Variants in ULK4 observed in about 807,000 individuals in gnomAD.
ULK4 encodes the protein inactive serine/threonine-protein kinase ULK4.
In ULK4, 133 loss-of-function variants were observed where a neutral mutation model predicts 160.6. The ratio of observed to expected loss-of-function variants is 0.83; its 90% CI spans 0.72 to 0.96. ULK4 has a LOEUF of 0.96. Among genes scored for constraint, ULK4 ranks in the 40% least tolerant of loss-of-function variants. The pLI is 0.00. For missense variants in ULK4, 1,580 were observed against 1,499.5 expected, an observed-to-expected ratio of 1.05 and a Z score of -0.89; for synonymous variants, 534 against 539.8, an observed-to-expected ratio of 0.99 and a Z score of 0.15.
intron 32 of ULK4, among the ~76,000 whole-genome samples, chr3:41,473,561 C>G (rs2084049260): frequency 6.8e-6 from 1 of 148,146 alleles, no homozygotes; most frequent in Admixed American, 6.8e-5. Context: ...ACACAGGAGG[C>G]TGAGGTGGGA....
intron 30 of ULK4, among the ~76,000 whole-genome samples, chr3:41,651,286 C>T (rs571136205): frequency 2.2e-3 from 332 of 152,302 alleles, no homozygotes; most frequent in African/African-American, 7.6e-3. Context: ...GCTCCCTCTC[C>T]TCAATCCTAC....
intron 35 of ULK4, among the ~76,000 whole-genome samples, chr3:41,257,622 G>A (rs561593600): frequency 1.2e-4 from 16 of 131,818 alleles, no homozygotes; most frequent in Non-Finnish European, 2.0e-4. Context: ...GACAGGGTGA[G>A]ACTATGTCTC....
intron 35 of ULK4, among the ~76,000 whole-genome samples, chr3:41,305,081 G>C (rs905562868): frequency 6.6e-6 from 1 of 152,190 alleles, no homozygotes; most frequent in African/African-American, 2.4e-5. Flanking sequence ...TTAAATGGTG[G>C]AGAGAAAAGA....
chr3:41,807,401 T>C (rs188557699), intron 19 of ULK4, among the ~76,000 whole-genome samples: 427 of 152,288 alleles, frequency 2.8e-3, no homozygotes, highest in Non-Finnish European at 3.7e-3. Flanking sequence ...GCATTTACTG[T>C]TTTTTCAATC....
chr3:41,293,179 G>C (rs768699428), intron 35 of ULK4, among the ~76,000 whole-genome samples: 1 of 151,982 alleles, frequency 6.6e-6, no homozygotes, highest in Non-Finnish European at 1.5e-5. Flanking sequence ...ATAAGGCAAG[G>C]AAGGTTATCA....
At chr3:41,272,166 C>G (rs1035557226) in intron 35 of ULK4, among the ~76,000 whole-genome samples, 1 of 152,130 alleles carries the variant, frequency 6.6e-6, no homozygotes, top group Non-Finnish European at 1.5e-5. Flanking sequence ...ATCCACCTGC[C>G]TCAGCCTCCC....
Position 41,789,834 on chromosome 3 carries a change from T to C in ULK4, c.2020A>G (p.Arg674Gly), listed in dbSNP as rs778595327. Residue 674 changes from arginine (R) to glycine (G), a missense_variant, in exon 21 of 37, where the codon AGA (arginine) becomes GGA (glycine). Coordinates refer to ENST00000301831, the MANE Select transcript of ULK4 (RefSeq NM_017886.4). ...LRITAVSALC[R>G]ITRHSPTAFQ... ...GCAGTAGGAGAATGGCGAGTGATTC[T>C]ACACAAGGCCTACAAAGACAAGAGA... 6.8e-6 allele frequency: 11 copies of C among 1,607,530 alleles called. No individual in the cohort carries two copies. In the South Asian group the frequency reaches 1.2e-4, roughly 18 times the overall value.
intron 30 of ULK4, among the ~76,000 whole-genome samples, chr3:41,630,974 G>T (rs1426074143): frequency 6.6e-6 from 1 of 152,128 alleles, no homozygotes; most frequent in Non-Finnish European, 1.5e-5. Flanking sequence ...GTGGACCAAG[G>T]ACAGTCATTT....
rs79763674 is a variant in ULK4, at chr3:41,500,293, T to C, written c.3227-37040A>G. 9.9e-5 allele frequency among the ~76,000 whole-genome samples: 15 copies of C among 151,740 alleles called. No individual in the cohort carries two copies. The South Asian group carries it at 1.3e-3, about 13-fold the overall frequency. On this transcript the variant is annotated intron_variant, in intron 32 of 36. Transcript: ENST00000301831. ...TTTTCATCTTATCTTTTTTTTTTTT[T>C]CCTACTGAAATCATTTAAGGCACTG... is the stretch of plus-strand genomic sequence containing the variant.
intron 1 of ULK4, among the ~76,000 whole-genome samples, chr3:41,958,714 C>CA (rs201705820): frequency 0.069 from 8,420 of 121,362 alleles, 429 homozygotes; most frequent in East Asian, 0.19. Context: ...GAAACTGTCT[C>CA]AAAAAAAAAA....
intron 31 of ULK4, among the ~76,000 whole-genome samples, chr3:41,605,904 T>A (rs982774518): frequency 2.6e-5 from 4 of 152,080 alleles, no homozygotes; most frequent in African/African-American, 9.7e-5. Context: ...ATGCAAACTA[T>A]GTTCTCTAAC....
chr3:41,492,111 T>G (rs1447732358), intron 32 of ULK4, among the ~76,000 whole-genome samples: 1 of 150,696 alleles, frequency 6.6e-6, no homozygotes, highest in East Asian at 1.9e-4. Context: ...TGTGACACAT[T>G]TTCTTAATCC....
intron 34 of ULK4, among the ~76,000 whole-genome samples, chr3:41,419,101 G>A (rs2082598943): frequency 6.6e-6 from 1 of 152,146 alleles, no homozygotes; most frequent in African/African-American, 2.4e-5. Context: ...ATGGATAAAT[G>A]ATAAAATAAA....
chr3:41,752,463 A>G (rs1344170927), intron 22 of ULK4, among the ~76,000 whole-genome samples: 1 of 152,232 alleles, frequency 6.6e-6, no homozygotes, highest in East Asian at 1.9e-4. Context: ...ACTTCAAGAC[A>G]TTGGACAAGG....
chr3:41,949,791 C>T (rs1700229127), intron 2 of ULK4, among the ~76,000 whole-genome samples: 1 of 148,888 alleles, frequency 6.7e-6, no homozygotes, highest in African/African-American at 2.5e-5. Flanking sequence ...GGCGGGAGTG[C>T]AGTGGCATGA....
chr3:41,299,850 T>C (rs1343233099), intron 35 of ULK4, among the ~76,000 whole-genome samples: 1 of 152,236 alleles, frequency 6.6e-6, no homozygotes, highest in African/African-American at 2.4e-5. Flanking sequence ...TACCTAATCA[T>C]GCTCATGTTG....
chr3:41,809,418 T>C (rs574994504), intron 19 of ULK4, among the ~76,000 whole-genome samples: 15 of 152,238 alleles, frequency 9.9e-5, no homozygotes, highest in Middle Eastern at 6.8e-3. Context: ...AGAGGAAAGA[T>C]CAATCCACAA....
intron 4 of ULK4, among the ~76,000 whole-genome samples, chr3:41,933,562 C>T (rs1699663615): frequency 6.6e-6 from 1 of 152,146 alleles, no homozygotes; most frequent in Admixed American, 6.5e-5. Flanking sequence ...GGTTACAAAG[C>T]AGCCTGAATT....
At chr3:41,769,130 C>T (rs1008066121) in intron 21 of ULK4, among the ~76,000 whole-genome samples, 6 of 152,178 alleles carry the variant, frequency 3.9e-5, no homozygotes, top group Non-Finnish European at 8.8e-5. Flanking sequence ...ATTTGTAACA[C>T]AATAACTCTG....
Sources: allele counts gnomAD v4.1 joint callset (sites outside exome capture counted in the v4.1 genomes callset), GRCh38; gene constraint gnomAD v4.1.1; transcripts MANE v1.5; gene names NCBI Gene and HGNC (gene_info 2026-07-23, HGNC 2026-07-21).